Variants in CD55 observed in about 807,000 individuals in gnomAD.
CD55 encodes the protein complement decay-accelerating factor.
Under a neutral mutation model 45.8 loss-of-function variants are expected in CD55, and 41 were observed. That is an observed-to-expected ratio of 0.90 (90% CI 0.70 to 1.16). The LOEUF (loss-of-function observed/expected upper bound fraction) is 1.16. Among genes scored for constraint, CD55 ranks in the 50% most tolerant of loss-of-function variants. CD55 has a pLI of 0.00. For synonymous variants in CD55, 181 were observed against 181.1 expected (o/e 1.00, Z 0.01); for missense variants, 416 against 469.8 (o/e 0.89, Z 1.06).
At chr1:207,351,359 C>T (rs184354104) in intron 9 of CD55, among the ~76,000 whole-genome samples, 90 of 152,160 alleles carry the variant, frequency 5.9e-4, no homozygotes, top group African/African-American at 2.1e-3. Flanking sequence ...CTGTTAAGTC[C>T]ATTTGGTCAA....
intron 9 of CD55, among the ~76,000 whole-genome samples, chr1:207,356,249 A>G (rs995970253): frequency 1.3e-5 from 2 of 152,124 alleles, no homozygotes; most frequent in Non-Finnish European, 2.9e-5. Context: ...ATTTATTCCT[A>G]GTTTATTTCC....
intron 5 of CD55, among the ~76,000 whole-genome samples, chr1:207,329,687 C>G (rs983225427): frequency 6.6e-6 from 1 of 152,116 alleles, no homozygotes; most frequent in Non-Finnish European, 1.5e-5. Flanking sequence ...TCACAGCTCA[C>G]TGCAGCCTCA....
chr1:207,324,467 AG>A (rs1486146141), intron 2 of CD55, 91 bp from the exon 3 acceptor site: 1 of 749,954 alleles, frequency 1.3e-6, no homozygotes, highest in Non-Finnish European at 2.1e-6. Context: ...CAGTAAAGAA[AG>A]GGGGTTATTA....
intron 9 of CD55, among the ~76,000 whole-genome samples, chr1:207,351,333 A>G (rs981982170): frequency 9.2e-5 from 14 of 152,258 alleles, no homozygotes; most frequent in African/African-American, 3.4e-4. Flanking sequence ...TCTTGGGTGT[A>G]ATGTTATGTA....
intron 6 of CD55, among the ~76,000 whole-genome samples, chr1:207,331,793 C>T (rs11585781): frequency 0.015 from 2,308 of 152,244 alleles, 22 homozygotes; most frequent in Non-Finnish European, 0.026. Context: ...TCCTTCTAGA[C>T]GTTTTTCTTT....
At chr1:207,359,456 A>G (rs896327371) in intron 9 of CD55, 90 bp from the exon 10 acceptor site, 4 of 1,289,864 alleles carry the variant, frequency 3.1e-6, no homozygotes, top group Non-Finnish European at 4.1e-6. Flanking sequence ...TTGGTGATTT[A>G]TCACATAGTA....
In CD55 at chr1:207,353,979, C is replaced by G. The variant is rs561637764; in HGVS notation, c.1082-5567C>G. ...TTTCCATAACTTTTTGTTTTCATAGCACATGCATTGCATTTCCACTTTGTT... is the reference window on the plus strand; with the variant it reads ...TTTCCATAACTTTTTGTTTTCATAGGACATGCATTGCATTTCCACTTTGTT... On this transcript the variant is annotated intron_variant, in intron 9 of 9. Coordinates refer to ENST00000367064, the MANE Select transcript of CD55 (RefSeq NM_000574.5). 7.2e-6 allele frequency: 11 copies of G among 1,528,138 alleles called. No homozygotes were observed. In the South Asian group the frequency reaches 1.3e-4, roughly 18 times the overall value. 94.7% of individuals were successfully genotyped at this position (1,528,138 alleles called of 1,614,324 possible).
At chr1:207,354,915 C>CA (rs1656019907) in intron 9 of CD55, among the ~76,000 whole-genome samples, 1 of 152,064 alleles carries the variant, frequency 6.6e-6, no homozygotes, top group African/African-American at 2.4e-5. Context: ...TCTGGATGTT[C>CA]TAGATCACTC....
intron 9 of CD55, among the ~76,000 whole-genome samples, chr1:207,358,778 A>C (rs1383404680): frequency 6.6e-6 from 1 of 152,164 alleles, no homozygotes; most frequent in Non-Finnish European, 1.5e-5. Context: ...AATACATTGA[A>C]TCTCTCATTA....
chr1:207,358,930 T>C (rs1423316917), intron 9 of CD55, among the ~76,000 whole-genome samples: 1 of 152,160 alleles, frequency 6.6e-6, no homozygotes, highest in Non-Finnish European at 1.5e-5. Flanking sequence ...TTAGGACTTT[T>C]AAAGAGAATG....
intron 3 of CD55, 70 bp downstream of exon 3, chr1:207,324,820 C>G (rs1654599845): frequency 3.4e-6 from 3 of 873,626 alleles, no homozygotes; most frequent in Admixed American, 4.5e-5. Context: ...TTCCTTCATT[C>G]ATGCTAGAAC....
Position 207,324,695 on chromosome 1 carries a change from A to C in CD55, c.423A>C (p.Pro141=). The C allele has an allele frequency of 6.2e-7, 1 of 1,613,580 alleles. No individual in the cohort carries two copies. Among genetic ancestry groups the C allele is most frequent in the South Asian group, 1.1e-5 (1 of 90,932 alleles). ...ACAGAAGAGAACCTTCTCTATCACC[A>C]AAACTAACTTGCCTTCAGAATTTAA... The part of the protein sequence containing the change: ...PGYRREPSLS[P]KLTCLQNLKW... The change falls in exon 3 of 10, where the codon CCA becomes CCC. Residue 141 remains proline (P), a synonymous_variant. Transcript: ENST00000367064.
At chr1:207,347,031 T>C (rs2404781) in intron 9 of CD55, 99,556 of 449,438 alleles carry the variant, frequency 0.22, 11,710 homozygotes, top group Non-Finnish European at 0.24. Flanking sequence ...CTTGCTTCTG[T>C]CTCCTTCCTT....
intron 6 of CD55, 88 bp from the exon 7 acceptor site, chr1:207,336,605 A>G: frequency 6.9e-7 from 1 of 1,451,868 alleles, no homozygotes; most frequent in Admixed American, 2.1e-5. Context: ...GGAGAGAGAA[A>G]GGATAGCCAC....
At chr1:207,331,043 A>C in intron 5 of CD55, 65 bp from the exon 6 acceptor site, 2 of 1,148,642 alleles carry the variant, frequency 1.7e-6, no homozygotes, top group Non-Finnish European at 1.3e-6. Flanking sequence ...ACATGTTTTG[A>C]TCTTATTTGT....
intron 8 of CD55, chr1:207,337,701 T>G (rs1655248826): frequency 1.1e-5 from 3 of 264,050 alleles, no homozygotes. Context: ...TTTTAGGGAG[T>G]CAACGAATTA....
rs374241059 is a variant in CD55, at chr1:207,334,538, A to C, written c.854-2155A>C. ...TGAATTATACATAGAATACAAATGC[A>C]CAATAACAATGCGAAAGGCAGAAAG... On this transcript the variant is annotated intron_variant, in intron 6 of 9. Transcript: ENST00000367064. Among the ~76,000 whole-genome samples the C allele has an allele frequency of 1.3e-4, 20 of 152,314 alleles. 1 individual carries two copies. In the East Asian group the frequency reaches 2.9e-3, roughly 22 times the overall value.
rs773939798 is a variant in CD55 at position 207,322,417 on chromosome 1, C to G, written c.136C>G (p.Gln46Glu). The change falls in exon 2 of 10, where the codon CAG (glutamine) becomes GAG (glutamate). Residue 46 changes from glutamine (Q) to glutamate (E), a missense_variant. Around this residue, in one of 3 missense-constraint regions of CD55, gnomAD observed 123 missense variants for 105.1 expected, o/e 1.17. Transcript: ENST00000367064. ...CCTTCCCCCAGATGTACCTAATGCC[C>G]AGCCAGCTTTGGAAGGCCGTACAAG... ...CGLPPDVPNA[Q>E]PALEGRTSFP... The G allele has an allele frequency of 6.2e-7, 1 of 1,614,122 alleles. No individual in the cohort carries two copies. Among genetic ancestry groups the G allele is most frequent in the South Asian group, 1.1e-5 (1 of 91,084 alleles).
rs1291104275 is a variant in CD55 at position 207,360,895 on chromosome 1, A to T, written c.*1285A>T. On this transcript the variant is annotated 3_prime_UTR_variant, in exon 10 of 10. Coordinates refer to ENST00000367064, the MANE Select transcript of CD55 (RefSeq NM_000574.5). ...TTGTTGTTGAAGTACTTTAAATTTC[A>T]TACGTTCATGGCATTTCACTGTAAA... 1 of 152,176 alleles carries T rather than the reference A, an allele frequency of 6.6e-6. No individual in the cohort carries two copies. The highest frequency in any genetic ancestry group is 2.4e-5 in the African/African-American group (1 of 41,446). 9.4% of individuals were successfully genotyped at this position (152,176 alleles called of 1,614,324 possible).
Sources: allele counts gnomAD v4.1 joint callset (sites outside exome capture counted in the v4.1 genomes callset), GRCh38; gene constraint gnomAD v4.1.1; regional missense constraint gnomAD v4.1.1; transcripts MANE v1.5; gene names NCBI Gene and HGNC (gene_info 2026-07-23, HGNC 2026-07-21).